Variants in NR3C1 observed in about 807,000 individuals in gnomAD.
The protein encoded by NR3C1 is glucocorticoid receptor.
Under a neutral mutation model 74.0 loss-of-function variants are expected in NR3C1, and 14 were observed. That is an observed-to-expected ratio of 0.19 (90% CI 0.12 to 0.30). The LOEUF (loss-of-function observed/expected upper bound fraction) is 0.30. Among genes scored for constraint, NR3C1 ranks in the 10% least tolerant of loss-of-function variants. The pLI, the probability that NR3C1 is intolerant of heterozygous loss-of-function variation, is 1.00. For synonymous variants in NR3C1, 308 were observed against 332.5 expected (o/e 0.93, Z 0.80); for missense variants, 695 against 909.8 (o/e 0.76, Z 3.04).
chr5:143,383,863 T>C (rs867670526), intron 2 of NR3C1, among the ~76,000 whole-genome samples: 52 of 152,258 alleles, frequency 3.4e-4, no homozygotes, highest in African/African-American at 1.1e-3. Context: ...AAAAAGTAAT[T>C]TGGAAATATC....
chr5:143,433,181 CT>C (rs1751918820), intron 1 of NR3C1, among the ~76,000 whole-genome samples: 1 of 151,964 alleles, frequency 6.6e-6, no homozygotes, highest in Non-Finnish European at 1.5e-5. Context: ...ACTCAACTGA[CT>C]CATGAAGTTA....
chr5:143,334,168 G>C (rs1478070431), intron 2 of NR3C1, among the ~76,000 whole-genome samples: 2 of 152,152 alleles, frequency 1.3e-5, no homozygotes, highest in African/African-American at 4.8e-5. Flanking sequence ...GATCACCTGA[G>C]GTTGGGAGTT....
intron 2 of NR3C1, among the ~76,000 whole-genome samples, chr5:143,339,301 A>AC (rs1827769289): frequency 6.6e-6 from 1 of 151,666 alleles, no homozygotes; most frequent in Non-Finnish European, 1.5e-5. Flanking sequence ...GACCTCCCCT[A>AC]CTCCAGTCTT....
intron 2 of NR3C1, among the ~76,000 whole-genome samples, chr5:143,341,366 G>A (rs1243247099): frequency 1.3e-5 from 2 of 152,186 alleles, no homozygotes; most frequent in African/African-American, 4.8e-5. Flanking sequence ...TATAGCAAAA[G>A]GAGACATTCT....
intron 2 of NR3C1, among the ~76,000 whole-genome samples, chr5:143,364,559 A>AT (rs1832866907): frequency 1.3e-5 from 2 of 152,328 alleles, no homozygotes; most frequent in South Asian, 4.1e-4. Context: ...ACTAAGCAAT[A>AT]TTTTTAAATC....
intron 2 of NR3C1, among the ~76,000 whole-genome samples, chr5:143,330,430 T>C (rs1204996337): frequency 1.3e-5 from 2 of 152,226 alleles, no homozygotes; most frequent in South Asian, 2.1e-4. Flanking sequence ...TCGTCAGATT[T>C]ACAAGTGAAA....
At chr5:143,304,887 T>C (rs754730373) in intron 4 of NR3C1, among the ~76,000 whole-genome samples, 3 of 152,032 alleles carry the variant, frequency 2.0e-5, no homozygotes, top group African/African-American at 4.8e-5. Flanking sequence ...TACTGCCATA[T>C]AAAAATTAGT....
chr5:143,285,293 A>G (rs971999163), intron 7 of NR3C1, among the ~76,000 whole-genome samples: 1 of 152,180 alleles, frequency 6.6e-6, no homozygotes, highest in Non-Finnish European at 1.5e-5. Context: ...AGTCCCAGAA[A>G]AAAGGCTACA....
Position 143,398,972 on chromosome 5 carries a change from T to C in NR3C1, c.1184+684A>G, listed in dbSNP as rs373339939. ...AACATTTGAACGTAAAATTTTGTTT[T>C]GCACCATGTTGACACCAATTCCTCT... On this transcript the variant is annotated intron_variant, in intron 2 of 8. Transcript: ENST00000394464. 5.9e-4 allele frequency among the ~76,000 whole-genome samples: 90 copies of C among 152,326 alleles called. No homozygotes were observed. In the South Asian group the frequency reaches 0.017, roughly 28 times the overall value.
chr5:143,326,612 A>G lies in NR3C1; in HGVS notation c.1185-12444T>C, dbSNP rs140132294. 2.0e-3 allele frequency among the ~76,000 whole-genome samples: 299 copies of G among 152,308 alleles called. 1 individual carries two copies. Among genetic ancestry groups the G allele is most frequent in the African/African-American group, 6.3e-3 (260 of 41,578 alleles). On this transcript the variant is annotated intron_variant, in intron 2 of 8. Coordinates refer to ENST00000394464, the MANE Select transcript of NR3C1 (RefSeq NM_000176.3). ...TGCCCTTAGAGGAACTCTGAAGTACATTGTTATATGTCTGACTAATGTATT... is the reference window on the plus strand; with the variant it reads ...TGCCCTTAGAGGAACTCTGAAGTACGTTGTTATATGTCTGACTAATGTATT...
chr5:143,389,913 T>TATA, intron 2 of NR3C1: 1 of 977,482 alleles, frequency 1.0e-6, no homozygotes, highest in Non-Finnish European at 1.2e-6. Flanking sequence ...TCCCATTTCT[T>TATA]AGCTCTGAAA....
In NR3C1 at chr5:143,300,839, AT is replaced by A; in HGVS notation, c.1469-77del. ...GCGCTACACAGTTTATTCAAGAAGT[AT>A]TTTTACTTTCTAAAACTATTAAGAT... On this transcript the variant is annotated intron_variant, in intron 4 of 8. Coordinates refer to ENST00000394464, the MANE Select transcript of NR3C1 (RefSeq NM_000176.3). The surrounding 1 kb of genome is among the most constrained non-coding windows in gnomAD (Gnocchi z 5.2). The A allele has an allele frequency of 7.6e-7, 1 of 1,318,294 alleles. No homozygotes were observed. Among genetic ancestry groups the A allele is most frequent in the Non-Finnish European group, 1.1e-6 (1 of 944,232 alleles). 81.7% of individuals were successfully genotyped at this position (1,318,294 alleles called of 1,614,324 possible).
At position 143,283,321 on chromosome 5, in the gene NR3C1, G is replaced by A. The variant is rs77285038; in HGVS notation, c.2024-596C>T. ...AAATGCAGGATAACAAAGAATTGGAGGACTTAACCTTGAGTAAATCACTTG... is the reference window on the plus strand; with the variant it reads ...AAATGCAGGATAACAAAGAATTGGAAGACTTAACCTTGAGTAAATCACTTG... On this transcript the variant is annotated intron_variant, in intron 7 of 8. Coordinates refer to ENST00000394464, the MANE Select transcript of NR3C1 (RefSeq NM_000176.3). Among the ~76,000 whole-genome samples the A allele has an allele frequency of 3.1e-4, 47 of 152,264 alleles. No homozygotes were observed. The East Asian group carries it at 8.7e-3, about 28-fold the overall frequency.
At chr5:143,285,610 T>C (rs914310877) in intron 7 of NR3C1, among the ~76,000 whole-genome samples, 11 of 152,204 alleles carry the variant, frequency 7.2e-5, no homozygotes, top group African/African-American at 2.6e-4. Flanking sequence ...GTAACAAACA[T>C]ATCTGGAGAA....
At chr5:143,405,293 C>T, upstream of NR3C1, 2 of 985,706 alleles carry the variant, frequency 2.0e-6, no homozygotes, top group East Asian at 1.1e-4. Context: ...CGCAGCTCCA[C>T]CTAATCCTGC....
intron 1 of NR3C1, among the ~76,000 whole-genome samples, chr5:143,422,727 G>A (rs1751299461): frequency 6.6e-6 from 1 of 152,184 alleles, no homozygotes; most frequent in East Asian, 1.9e-4. Flanking sequence ...CCAGTCACTA[G>A]AACTAAGAGA....
chr5:143,419,973 T>C (rs975693158), intron 1 of NR3C1, among the ~76,000 whole-genome samples: 1 of 152,162 alleles, frequency 6.6e-6, no homozygotes, highest in African/African-American at 2.4e-5. Flanking sequence ...CTCAGGGGCA[T>C]ATTCTCTTTC....
Position 143,300,826 on chromosome 5 carries a change from T to G in NR3C1, c.1469-63A>C. ...AATGGGAAGGTCTGCGCTACACAGT[T>G]TATTCAAGAAGTATTTTTACTTTCT... On this transcript the variant is annotated intron_variant, in intron 4 of 8. Transcript: ENST00000394464. The surrounding 1 kb of genome is among the most constrained non-coding windows in gnomAD (Gnocchi z 5.2). 1 of 1,414,192 alleles carries G rather than the reference T, an allele frequency of 7.1e-7. No individual in the cohort carries two copies. The highest frequency in any genetic ancestry group is 9.8e-7 in the Non-Finnish European group (1 of 1,021,866). 87.6% of individuals were successfully genotyped at this position (1,414,192 alleles called of 1,614,324 possible). A position where few individuals can be genotyped will look rare whatever the true frequency, so the allele number is the denominator to read the frequency against.
At chr5:143,337,301 CAAT>C (rs993843061) in intron 2 of NR3C1, among the ~76,000 whole-genome samples, 4 of 152,014 alleles carry the variant, frequency 2.6e-5, no homozygotes, top group African/African-American at 9.7e-5. Context: ...ATTAAAACGA[CAAT>C]AAAATAACTT....
Sources: allele counts gnomAD v4.1 joint callset (sites outside exome capture counted in the v4.1 genomes callset), GRCh38; gene constraint gnomAD v4.1.1; non-coding constraint Gnocchi (gnomAD v3.1); transcripts MANE v1.5; gene names NCBI Gene and HGNC (gene_info 2026-07-23, HGNC 2026-07-21).